KSR1: variants seen among roughly 807,000 people sequenced by gnomAD.
KSR1 encodes kinase suppressor of ras 1, also known as kinase suppressor of ras.
KSR1 carries 35 observed loss-of-function variants against 92.9 expected under a neutral mutation model. The observed-to-expected ratio is 0.38, with a 90% CI of 0.29 to 0.50. KSR1 has a LOEUF of 0.50. Ranked by LOEUF, KSR1 falls within the 20% of genes least tolerant of loss-of-function variation. KSR1 has a pLI of 0.94. For synonymous variants in KSR1, 467 were observed against 472.6 expected, an observed-to-expected ratio of 0.99 and a Z score of 0.15; for missense variants, 972 against 1,158.5, an observed-to-expected ratio of 0.84 and a Z score of 2.34.
In KSR1 at chr17:27,605,509, C is replaced by T. The variant is rs879225861; in HGVS notation, c.1690C>T (p.Arg564Trp). 9 of 1,600,598 alleles carry T rather than the reference C, an allele frequency of 5.6e-6. No individual in the cohort carries two copies. The highest frequency in any genetic ancestry group is 4.0e-5 in the African/African-American group (3 of 74,752). The change falls in exon 14 of 21, where the codon CGG becomes TGG. Residue 564 changes from arginine to tryptophan, a missense_variant. Arg to Trp is a moderately radical substitution (Grantham distance 101). Coordinates refer to ENST00000644974, the MANE Select transcript of KSR1 (RefSeq NM_001394583.1). ...DEVDDLPSSR[R>W]PWRGPISRKA... ...GGTGGACGACTTGCCGAGCTCTCGC[C>T]GGCCCTGGCGGGGCCCCATCTCTCG...
chr17:27,505,835 T>C (rs974880247), intron 1 of KSR1, among the ~76,000 whole-genome samples: 6 of 152,246 alleles, frequency 3.9e-5, no homozygotes, highest in African/African-American at 1.4e-4. Context: ...GTTGGTTCTT[T>C]GATAGAAACA....
rs933952427 is a variant in KSR1, at chr17:27,591,040, C to T, written c.1130+146C>T. 61 of 681,788 alleles carry T rather than the reference C, an allele frequency of 8.9e-5. 2 individuals carry two copies. The South Asian group carries it at 9.4e-4, about 10-fold the overall frequency. The allele number at this position is 681,788 out of a possible 1,614,324, so 42.2% of individuals were successfully genotyped here. On this transcript the variant is annotated intron_variant, in intron 7 of 20. Transcript: ENST00000644974. ...TTCAGGGAGACTAAGCAAGTTACTC[C>T]TGGAAGAAGGGAATACTTGAGGTGG...
At chr17:27,612,572 G>A (rs2073950780) in intron 18 of KSR1, 1 of 152,192 alleles carries the variant, frequency 6.6e-6, no homozygotes, top group African/African-American at 2.4e-5. Context: ...ACTCTCTTTT[G>A]ATTCTGACAG....
intron 1 of KSR1, among the ~76,000 whole-genome samples, chr17:27,505,802 G>C (rs1405140073): frequency 6.6e-6 from 1 of 152,138 alleles, no homozygotes; most frequent in African/African-American, 2.4e-5. Flanking sequence ...GTCACCAAGG[G>C]GTTGCCATCA....
At chr17:27,464,467 G>A (rs1480571865) in intron 1 of KSR1, among the ~76,000 whole-genome samples, 1 of 152,160 alleles carries the variant, frequency 6.6e-6, no homozygotes, top group East Asian at 1.9e-4. Flanking sequence ...ATGGCCAGGT[G>A]TGGTGGCTCA....
At chr17:27,461,297 T>C (rs1368237167) in intron 1 of KSR1, among the ~76,000 whole-genome samples, 3 of 152,292 alleles carry the variant, frequency 2.0e-5, no homozygotes, top group Middle Eastern at 3.4e-3. Flanking sequence ...GCCAGGCTGG[T>C]CTCGAACTCC....
chr17:27,509,173 G>A (rs1454012011), intron 1 of KSR1, among the ~76,000 whole-genome samples: 3 of 152,158 alleles, frequency 2.0e-5, no homozygotes, highest in Admixed American at 2.0e-4. Flanking sequence ...CTGCAACCCT[G>A]CTTCCTAGGC....
intron 4 of KSR1, 97 bp from the exon 5 acceptor site, chr17:27,585,560 C>G: frequency 1.4e-6 from 1 of 719,406 alleles, no homozygotes; most frequent in Admixed American, 2.0e-5. Flanking sequence ...TCCTACGTCC[C>G]AGCCCCTTGC....
chr17:27,476,739 C>A (rs552958635), intron 1 of KSR1, among the ~76,000 whole-genome samples: 2 of 152,310 alleles, frequency 1.3e-5, no homozygotes, highest in South Asian at 2.1e-4. Context: ...TTTGTAACTG[C>A]AGCACACATG....
intron 1 of KSR1, among the ~76,000 whole-genome samples, chr17:27,505,082 G>A (rs1207288595): frequency 6.6e-6 from 1 of 152,190 alleles, no homozygotes; most frequent in Non-Finnish European, 1.5e-5. Context: ...ACCTTGAGAG[G>A]GATTGGGACG....
At chr17:27,514,388 G>C (rs2151007741) in intron 1 of KSR1, among the ~76,000 whole-genome samples, 1 of 152,394 alleles carries the variant, frequency 6.6e-6, no homozygotes, top group Non-Finnish European at 1.5e-5. Flanking sequence ...GCTGGGGACA[G>C]TAGCTCACGC....
At chr17:27,488,175 C>T (rs150182704) in intron 1 of KSR1, among the ~76,000 whole-genome samples, 3 of 152,306 alleles carry the variant, frequency 2.0e-5, no homozygotes, top group East Asian at 1.9e-4. Context: ...AAATATCATA[C>T]ATTCAAAACA....
chr17:27,605,787 C>T lies in KSR1; in HGVS notation c.1968C>T (p.Asn656=), dbSNP rs765516719. 4 of 1,612,652 alleles carry T rather than the reference C, an allele frequency of 2.5e-6. No homozygotes were observed. Among genetic ancestry groups the T allele is most frequent in the Non-Finnish European group, 3.4e-6 (4 of 1,179,782 alleles). The change falls in exon 14 of 21, where the codon AAC becomes AAT. Residue 656 remains asparagine, a synonymous_variant. Transcript: ENST00000644974. ...TGCTCTTCATGGGGGCCTGCATGAA[C>T]CCGCCCCACCTGGCCATTATCACCA... ...NVVLFMGACM[N]PPHLAIITSF...
At chr17:27,557,903 T>C (rs890985187) in intron 2 of KSR1, 1 of 152,604 alleles carries the variant, frequency 6.6e-6, no homozygotes, top group Non-Finnish European at 1.5e-5. Flanking sequence ...ATGTAATGTT[T>C]GTGTGCAGCA....
At chr17:27,551,577 C>G (rs1262616765) in intron 2 of KSR1, among the ~76,000 whole-genome samples, 1 of 151,198 alleles carries the variant, frequency 6.6e-6, no homozygotes. Flanking sequence ...TTTCCTTCCT[C>G]TCCCCAATAT....
At position 27,582,758 on chromosome 17, in the gene KSR1, G is replaced by A; in HGVS notation, c.633G>A (p.Gly211=). 1 of 1,613,820 alleles carries A rather than the reference G, an allele frequency of 6.2e-7. No homozygotes were observed. Among genetic ancestry groups the A allele is most frequent in the Non-Finnish European group, 8.5e-7 (1 of 1,179,820 alleles). ...LSAASLPWPP[G]SSQLGRAGNS... is the part of the protein sequence containing the mutation. ...CAGCCAGCCTGCCCTGGCCCCCAGG[G>A]AGCTCCCAGCTGGGCAGAGCAGGCA... is the stretch of plus-strand genomic sequence containing the variant. The change falls in exon 4 of 21, where the codon GGG becomes GGA. Residue 211 remains glycine, a synonymous_variant. Transcript: ENST00000644974.
chr17:27,603,486 C>T (rs1174083737), intron 11 of KSR1, among the ~76,000 whole-genome samples: 1 of 152,224 alleles, frequency 6.6e-6, no homozygotes, highest in Non-Finnish European at 1.5e-5. Flanking sequence ...AATGAGAGCC[C>T]AGTTTGCTTT....
rs146959491 is a variant in KSR1, at chr17:27,625,967, G to A, written c.*2575G>A. 1 of 152,350 alleles carries A rather than the reference G, an allele frequency of 6.6e-6. No homozygotes were observed. Among genetic ancestry groups the A allele is most frequent in the African/African-American group, 2.4e-5 (1 of 41,566 alleles). The allele number at this position is 152,350 out of a possible 1,614,324, so 9.4% of individuals were successfully genotyped here. ...AATCCTAGCTAGTTTGGGGTTGTGA[G>A]CAGTGTGTAGCAAAGTTGATCTCTC... is the stretch of plus-strand genomic sequence containing the variant. On this transcript the variant is annotated 3_prime_UTR_variant, in exon 21 of 21. Transcript: ENST00000644974.
intron 1 of KSR1, chr17:27,526,991 G>C: frequency 1.8e-6 from 1 of 546,264 alleles, no homozygotes; most frequent in East Asian, 3.3e-5. Context: ...TCCAAGCCTT[G>C]ATGTTCTCCC....
Sources: allele counts gnomAD v4.1 joint callset (sites outside exome capture counted in the v4.1 genomes callset), GRCh38; gene constraint gnomAD v4.1.1; transcripts MANE v1.5; gene names NCBI Gene and HGNC (gene_info 2026-07-23, HGNC 2026-07-21).